OPRK1: variants seen among roughly 807,000 people sequenced by gnomAD.
OPRK1 encodes kappa-type opioid receptor.
In OPRK1, 15 loss-of-function variants were observed where a neutral mutation model predicts 24.5. The ratio of observed to expected loss-of-function variants is 0.61; its 90% confidence interval spans 0.41 to 0.94. The LOEUF is 0.94. Among genes scored for constraint, OPRK1 ranks in the 40% least tolerant of loss-of-function variants. The pLI is 0.00. For synonymous variants in OPRK1, 205 were observed against 198.0 expected, an observed-to-expected ratio of 1.04 and a Z score of -0.30; for missense variants, 479 against 507.3, an observed-to-expected ratio of 0.94 and a Z score of 0.54.
At chr8:53,234,593 G>A (rs1344715848) in intron 3 of OPRK1, among the ~76,000 whole-genome samples, 166 bp downstream of exon 3, 1 of 152,122 alleles carries the variant, frequency 6.6e-6, no homozygotes, top group Non-Finnish European at 1.5e-5. Flanking sequence ...GGTGGAAAGG[G>A]ACACAAAATT....
rs201143020 is a variant in OPRK1 at position 53,227,656 on chromosome 8, G to A, written c.*1641C>T. 8.1e-4 allele frequency: 123 copies of A among 152,034 alleles called. No homozygotes were observed. The highest frequency in any genetic ancestry group is 2.8e-3 in the African/African-American group (115 of 41,452). The allele number at this position is 152,034 out of a possible 1,614,324, so 9.4% of individuals were successfully genotyped here. On this transcript the variant is annotated 3_prime_UTR_variant, in exon 4 of 4. Coordinates refer to ENST00000265572, the MANE Select transcript of OPRK1 (RefSeq NM_000912.5). The stretch of plus-strand genomic sequence containing the variant: ...ATTCTGCCATATGTCATCTGTGTTA[G>A]GTGCCATGATAATCTGGAGTAGAGG...
chr8:53,229,215 C>G lies in OPRK1; in HGVS notation c.*82G>C, dbSNP rs1035332810. ...TTAAATTCTATCTTTTCATGTCAGA[C>G]TGCAGTAGTGATCTGAGTTAAACCT... On this transcript the variant is annotated 3_prime_UTR_variant, in exon 4 of 4. Transcript: ENST00000265572. The G allele has an allele frequency of 3.5e-6, 5 of 1,440,454 alleles. No homozygotes were observed. Among genetic ancestry groups the G allele is most frequent in the Non-Finnish European group, 4.7e-6 (5 of 1,060,032 alleles). The allele number at this position is 1,440,454 out of a possible 1,614,324, so 89.2% of individuals were successfully genotyped here.
intron 3 of OPRK1, among the ~76,000 whole-genome samples, chr8:53,233,634 C>T (rs1806908894): frequency 6.6e-6 from 1 of 152,092 alleles, no homozygotes; most frequent in Non-Finnish European, 1.5e-5. Flanking sequence ...CTCACCTCCC[C>T]ATCATTAATT....
rs1806953039 is a variant in OPRK1, at chr8:53,234,911, CT to C, written c.457del (p.Ser153AlafsTer12). 1 of 1,614,154 alleles carries C rather than the reference CT, an allele frequency of 6.2e-7. No homozygotes were observed. The highest frequency in any genetic ancestry group is 8.5e-7 in the Non-Finnish European group (1 of 1,180,042). On this transcript the variant is annotated frameshift_variant, in exon 3 of 4. Transcript: ENST00000265572. LOFTEE classifies it high-confidence loss of function. ...FTSIFTLTMM[S>X]VDRYIAVCHP... ...GCACACGGCAATGTAGCGGTCCACG[CT>C]CATCATGGTCAAGGTGAAGATGCTG...
intron 2 of OPRK1, among the ~76,000 whole-genome samples, chr8:53,246,877 A>T (rs962500241): frequency 2.6e-5 from 4 of 152,194 alleles, no homozygotes; most frequent in Admixed American, 1.3e-4. Flanking sequence ...TTCATTTTTT[A>T]AAATGGGAAA....
chr8:53,231,219 T>C (rs921011773), intron 3 of OPRK1, among the ~76,000 whole-genome samples: 2 of 152,292 alleles, frequency 1.3e-5, no homozygotes, highest in African/African-American at 4.8e-5. Flanking sequence ...GTGTTTATGG[T>C]AAATGATTTT....
At chr8:53,240,978 A>G (rs1293540269) in intron 2 of OPRK1, among the ~76,000 whole-genome samples, 1 of 152,198 alleles carries the variant, frequency 6.6e-6, no homozygotes, top group Non-Finnish European at 1.5e-5. Context: ...TTTGTCAATT[A>G]TGCCTCACCA....
At position 53,228,717 on chromosome 8, in the gene OPRK1, T is replaced by C. The variant is rs902903211; in HGVS notation, c.*580A>G. On this transcript the variant is annotated 3_prime_UTR_variant, in exon 4 of 4. Coordinates refer to ENST00000265572, the MANE Select transcript of OPRK1 (RefSeq NM_000912.5). ...CATAAATAGCAAGATAATGTTCTGG[T>C]ATAAGTGAACATCAGATTCCTCAGA... The C allele has an allele frequency of 6.6e-6, 1 of 152,278 alleles. No homozygotes were observed. Among genetic ancestry groups the C allele is most frequent in the African/African-American group, 2.4e-5 (1 of 41,452 alleles). The allele number at this position is 152,278 out of a possible 1,614,324, so 9.4% of individuals were successfully genotyped here. A position where few individuals can be genotyped will look rare whatever the true frequency, so the allele number is the denominator to read the frequency against.
intron 2 of OPRK1, 53 bp downstream of exon 2, chr8:53,250,728 C>A (rs1310667302): frequency 3.3e-6 from 5 of 1,516,696 alleles, no homozygotes; most frequent in Middle Eastern, 1.7e-4. Flanking sequence ...CGGGGCCTGA[C>A]CCTCACTCCC....
Position 53,235,030 on chromosome 8 carries a change from G to T in OPRK1, c.339C>A (p.Pro113=). Residue 113 remains proline (P), a synonymous_variant, in exon 3 of 4, where the codon CCC becomes CCA. Coordinates refer to ENST00000265572, the MANE Select transcript of OPRK1 (RefSeq NM_000912.5). ...TCATCAAGTAGACCGTACTCTGAAA[G>T]GGCATGGTTGTAGTAACTAAAGCAT... The part of the protein sequence containing the change: ...LADALVTTTM[P]FQSTVYLMNS... 2 of 1,614,218 alleles carry T rather than the reference G, an allele frequency of 1.2e-6. No individual in the cohort carries two copies. The highest frequency in any genetic ancestry group is 1.7e-6 in the Non-Finnish European group (2 of 1,180,042).
rs1280462245 is a variant in OPRK1 at position 53,229,504 on chromosome 8, A to C, written c.936T>G (p.Tyr312Ter). 14 of 1,614,096 alleles carry C rather than the reference A, an allele frequency of 8.7e-6. No homozygotes were observed. The highest frequency in any genetic ancestry group is 1.1e-5 in the Non-Finnish European group (13 of 1,180,054). ...TSHSTAALSSYYFCIALGYTN... is the reference protein window; with the variant it reads ...TSHSTAALSS ...TATAGCCTAAGGCGATGCAGAAGTAATAGCTGGAGAGAGCAGCTGTGCTGT... is the reference window on the plus strand; with the variant it reads ...TATAGCCTAAGGCGATGCAGAAGTACTAGCTGGAGAGAGCAGCTGTGCTGT... The change falls in exon 4 of 4, where the codon TAT becomes TAG. Residue 312 changes from tyrosine (Y) to a stop codon, truncating the protein, a stop_gained. Coordinates refer to ENST00000265572, the MANE Select transcript of OPRK1 (RefSeq NM_000912.5). LOFTEE classifies it high-confidence loss of function.
chr8:53,243,218 G>C (rs569552419), intron 2 of OPRK1, among the ~76,000 whole-genome samples: 1 of 152,304 alleles, frequency 6.6e-6, no homozygotes, highest in South Asian at 2.1e-4. Flanking sequence ...GCTGAGCACA[G>C]AGACTCCTGG....
chr8:53,248,829 T>C (rs954516020), intron 2 of OPRK1, among the ~76,000 whole-genome samples: 2 of 152,202 alleles, frequency 1.3e-5, no homozygotes, highest in Non-Finnish European at 2.9e-5. Context: ...CTCTTCGCTT[T>C]TCATTCATCA....
At position 53,250,957 on chromosome 8, in the gene OPRK1, G is replaced by A; in HGVS notation, c.81C>T (p.Ser27=). The A allele has an allele frequency of 6.2e-7, 1 of 1,609,026 alleles. No individual in the cohort carries two copies. The highest frequency in any genetic ancestry group is 1.3e-5 in the African/African-American group (1 of 74,874). ...APSACLPPNS[S]AWFPGWAEPD... is the part of the protein sequence containing the mutation. ...GCTCGGCCCAGCCGGGAAACCAGGC[G>A]CTGCTGTTGGGGGGCAGGCAGGCGC... The change falls in exon 2 of 4, where the codon AGC becomes AGT. Residue 27 remains serine, a synonymous_variant. Coordinates refer to ENST00000265572, the MANE Select transcript of OPRK1 (RefSeq NM_000912.5).
intron 2 of OPRK1, chr8:53,242,675 T>G (rs2553849): frequency 0.022 from 8,497 of 379,170 alleles, 118 homozygotes; most frequent in Non-Finnish European, 0.027. Context: ...CCCGGCTAAT[T>G]TTTTGTATTT....
chr8:53,229,137 G>C lies in OPRK1; in HGVS notation c.*160C>G. On this transcript the variant is annotated 3_prime_UTR_variant, in exon 4 of 4. Coordinates refer to ENST00000265572, the MANE Select transcript of OPRK1 (RefSeq NM_000912.5). The stretch of plus-strand genomic sequence containing the variant: ...TGTCCTTGATGTTTCCACTGATCAC[G>C]AACGTGGTCTGCATCTGATGACTTC... The C allele has an allele frequency of 3.8e-6, 3 of 797,040 alleles. No individual in the cohort carries two copies. Among genetic ancestry groups the C allele is most frequent in the South Asian group, 1.9e-5 (1 of 52,344 alleles). The allele number at this position is 797,040 out of a possible 1,614,324, so 49.4% of individuals were successfully genotyped here.
At position 53,229,525 on chromosome 8, in the gene OPRK1, G is replaced by A; in HGVS notation, c.915C>T (p.Ser305=). The change falls in exon 4 of 4, where the codon AGC becomes AGT. Residue 305 remains serine, a synonymous_variant. Coordinates refer to ENST00000265572, the MANE Select transcript of OPRK1 (RefSeq NM_000912.5). ...LVEALGSTSH[S]TAALSSYYFC... is the part of the protein sequence containing the mutation. ...AGTAATAGCTGGAGAGAGCAGCTGT[G>A]CTGTGGGAGGTGCTCCCCAGAGCCT... 1 of 1,614,190 alleles carries A rather than the reference G, an allele frequency of 6.2e-7. No homozygotes were observed. The highest frequency in any genetic ancestry group is 2.2e-5 in the East Asian group (1 of 44,872).
At position 53,234,855 on chromosome 8, in the gene OPRK1, G is replaced by C. The variant is rs938470217; in HGVS notation, c.514C>G (p.Pro172Ala). The change falls in exon 3 of 4, where the codon CCC becomes GCC. Residue 172 changes from proline to alanine, a missense_variant. Coordinates refer to ENST00000265572, the MANE Select transcript of OPRK1 (RefSeq NM_000912.5). ...ATATTGATGATCTTTGCCTTCAAGGGTGTGCGGAAGTCCAAAGCCTTCACG... is the reference window on the plus strand; with the variant it reads ...ATATTGATGATCTTTGCCTTCAAGGCTGTGCGGAAGTCCAAAGCCTTCACG... ...HPVKALDFRT[P>A]LKAKIINICI... The C allele has an allele frequency of 1.2e-6, 2 of 1,614,034 alleles. No individual in the cohort carries two copies. The highest frequency in any genetic ancestry group is 1.3e-5 in the African/African-American group (1 of 74,918).
Position 53,229,906 on chromosome 8 carries a change from G to A in OPRK1, c.611-77C>T, listed in dbSNP as rs1416950614. Reference sequence around the variant, plus strand: ...CGTGGCTGCAAAGTGTTTTAAATATGAATTTTAATACCTTTTATTGCAATG... The same window carrying A: ...CGTGGCTGCAAAGTGTTTTAAATATAAATTTTAATACCTTTTATTGCAATG... On this transcript the variant is annotated intron_variant, in intron 3 of 3. Transcript: ENST00000265572. 3 of 1,317,694 alleles carry A rather than the reference G, an allele frequency of 2.3e-6. No individual in the cohort carries two copies. In the African/African-American group the frequency reaches 4.4e-5, roughly 19 times the overall value. The allele number at this position is 1,317,694 out of a possible 1,614,324, so 81.6% of individuals were successfully genotyped here. A position where few individuals can be genotyped will look rare whatever the true frequency, so the allele number is the denominator to read the frequency against.
Sources: allele counts gnomAD v4.1 joint callset (sites outside exome capture counted in the v4.1 genomes callset), GRCh38; gene constraint gnomAD v4.1.1; transcripts MANE v1.5; gene names NCBI Gene and HGNC (gene_info 2026-07-23, HGNC 2026-07-21).